CADM1: variants seen among roughly 807,000 people sequenced by gnomAD.
CADM1 encodes cell adhesion molecule 1, also known as TSLC-1.
CADM1 carries 15 observed loss-of-function variants against 53.1 expected under a neutral mutation model. That is an observed-to-expected ratio of 0.28 (90% CI 0.19 to 0.44). The LOEUF (loss-of-function observed/expected upper bound fraction) is 0.44. Ranked by LOEUF, CADM1 falls within the 20% of genes least tolerant of loss-of-function variation. CADM1 has a pLI of 1.00. For missense variants in CADM1, 434 were observed against 611.3 expected, an observed-to-expected ratio of 0.71 and a Z score of 3.06; for synonymous variants, 281 against 243.0, an observed-to-expected ratio of 1.16 and a Z score of -1.45.
At chr11:115,187,088 A>C (rs1024911552) in intron 10 of CADM1, among the ~76,000 whole-genome samples, 8 of 152,238 alleles carry the variant, frequency 5.3e-5, no homozygotes, top group Non-Finnish European at 1.2e-4. Flanking sequence ...ATACAGATAC[A>C]AGCCATATCA....
At chr11:115,399,993 C>T (rs556343982) in intron 1 of CADM1, among the ~76,000 whole-genome samples, 1 of 152,088 alleles carries the variant, frequency 6.6e-6, no homozygotes, top group South Asian at 2.1e-4. Context: ...GTGTGATGTA[C>T]ATACAAAATT....
At chr11:115,477,968 G>C (rs566842690) in intron 1 of CADM1, among the ~76,000 whole-genome samples, 1 of 152,222 alleles carries the variant, frequency 6.6e-6, no homozygotes, top group African/African-American at 2.4e-5. Flanking sequence ...TTTTGGATAA[G>C]AGGTTCAATT....
chr11:115,178,882 G>C (rs1214406945), intron 10 of CADM1, 107 bp from the exon 11 acceptor site: 1 of 1,220,342 alleles, frequency 8.2e-7, no homozygotes, highest in Non-Finnish European at 1.2e-6. Flanking sequence ...TTTTAATGGA[G>C]GAGTCACAGA....
chr11:115,392,757 C>T (rs1946869341), intron 1 of CADM1, among the ~76,000 whole-genome samples: 1 of 151,992 alleles, frequency 6.6e-6, no homozygotes, highest in Non-Finnish European at 1.5e-5. Context: ...TTATCTGACC[C>T]AGGAATTTCA....
At chr11:115,425,977 CCAAA>C (rs1947881112) in intron 1 of CADM1, among the ~76,000 whole-genome samples, 2 of 152,296 alleles carry the variant, frequency 1.3e-5, no homozygotes, top group South Asian at 4.1e-4. Context: ...CATCTGTCAG[CCAAA>C]CAAACCAGCT....
At chr11:115,434,607 G>A (rs972455712) in intron 1 of CADM1, among the ~76,000 whole-genome samples, 1 of 152,152 alleles carries the variant, frequency 6.6e-6, no homozygotes, top group Non-Finnish European at 1.5e-5. Flanking sequence ...TGAGGACTAA[G>A]GGAGATAATC....
At chr11:115,338,833 T>C (rs1163561405) in intron 1 of CADM1, among the ~76,000 whole-genome samples, 2 of 152,090 alleles carry the variant, frequency 1.3e-5, no homozygotes, top group East Asian at 1.9e-4. Context: ...GATCCTGTAC[T>C]TTCTATTTTA....
chr11:115,262,790 G>A (rs1943015456), intron 1 of CADM1, among the ~76,000 whole-genome samples: 1 of 151,838 alleles, frequency 6.6e-6, no homozygotes, highest in Non-Finnish European at 1.5e-5. Flanking sequence ...TGCCCTTGAT[G>A]GGTCTTTTTT....
intron 1 of CADM1, among the ~76,000 whole-genome samples, chr11:115,441,913 T>G (rs1457629600): frequency 6.6e-6 from 1 of 152,090 alleles, no homozygotes; most frequent in Non-Finnish European, 1.5e-5. Context: ...TTTAAGCTGA[T>G]GAGAACAATA....
rs1591569841 is a variant in CADM1 at position 115,169,513 on chromosome 11, A to C, written c.*6961T>G. On this transcript the variant is annotated 3_prime_UTR_variant, in exon 12 of 12. Coordinates refer to ENST00000331581, the MANE Select transcript of CADM1 (RefSeq NM_001301043.2). ...ACCCAAGTAGGACATTTCAGTTGAC[A>C]GTAATGGCATTTTCCCTTCCTTGTC... 1 of 446,388 alleles carries C rather than the reference A, an allele frequency of 2.2e-6. No individual in the cohort carries two copies. Among genetic ancestry groups the C allele is most frequent in the East Asian group, 7.0e-5 (1 of 14,296 alleles). The allele number at this position is 446,388 out of a possible 1,614,324, so 27.7% of individuals were successfully genotyped here.
At chr11:115,406,370 TA>T (rs982379599) in intron 1 of CADM1, among the ~76,000 whole-genome samples, 1 of 151,460 alleles carries the variant, frequency 6.6e-6, no homozygotes, top group African/African-American at 2.4e-5. Context: ...ACAAAACAAT[TA>T]AAAAAAATCC....
intron 3 of CADM1, among the ~76,000 whole-genome samples, chr11:115,236,575 C>T (rs1006458836): frequency 3.3e-5 from 5 of 152,138 alleles, no homozygotes; most frequent in Non-Finnish European, 5.9e-5. Flanking sequence ...TCTCAAAATT[C>T]TAGTGCTGGC....
At chr11:115,185,658 C>T (rs759519020) in intron 10 of CADM1, among the ~76,000 whole-genome samples, 2 of 152,156 alleles carry the variant, frequency 1.3e-5, no homozygotes, top group African/African-American at 2.4e-5. Context: ...GCCAGAGACA[C>T]CAGAAGTCGT....
intron 1 of CADM1, among the ~76,000 whole-genome samples, chr11:115,484,352 G>A (rs1273621206): frequency 6.6e-6 from 1 of 152,146 alleles, no homozygotes; most frequent in Non-Finnish European, 1.5e-5. Context: ...AGTGCTCCCT[G>A]TGCTACACTA....
intron 2 of CADM1, 41 bp downstream of exon 2, chr11:115,240,233 T>C (rs1942177160): frequency 6.9e-6 from 11 of 1,601,976 alleles, no homozygotes; most frequent in Non-Finnish European, 9.4e-6. Context: ...AACATGTAGG[T>C]AAAAAAGTTG....
intron 1 of CADM1, among the ~76,000 whole-genome samples, chr11:115,370,382 C>G (rs1418539394): frequency 6.6e-6 from 1 of 152,094 alleles, no homozygotes; most frequent in Non-Finnish European, 1.5e-5. Context: ...AGTCCTAAGC[C>G]CTGACGAGGG....
intron 1 of CADM1, among the ~76,000 whole-genome samples, chr11:115,290,060 G>C (rs996286773): frequency 1.3e-5 from 2 of 152,184 alleles, no homozygotes; most frequent in African/African-American, 4.8e-5. Context: ...GCGCCACAGC[G>C]TCGTGCTCAG....
At position 115,173,604 on chromosome 11, in the gene CADM1, G is replaced by T; in HGVS notation, c.*2870C>A. On this transcript the variant is annotated 3_prime_UTR_variant, in exon 12 of 12. Transcript: ENST00000331581. ...TCTCACTCGGAGGCGTCCATAAGAA[G>T]TCCATAAAGAGATTAAAGGATCACT... is the stretch of plus-strand genomic sequence containing the variant. 1 of 248,382 alleles carries T rather than the reference G, an allele frequency of 4.0e-6. No individual in the cohort carries two copies. The allele number at this position is 248,382 out of a possible 1,614,324, so 15.4% of individuals were successfully genotyped here. A position where few individuals can be genotyped will look rare whatever the true frequency, so the allele number is the denominator to read the frequency against.
intron 9 of CADM1, among the ~76,000 whole-genome samples, chr11:115,197,968 C>A (rs1330061207): frequency 2.0e-5 from 3 of 152,216 alleles, no homozygotes; most frequent in Non-Finnish European, 4.4e-5. Context: ...TCTACCCTTC[C>A]ATCTCAACTT....
Sources: allele counts gnomAD v4.1 joint callset (sites outside exome capture counted in the v4.1 genomes callset), GRCh38; gene constraint gnomAD v4.1.1; transcripts MANE v1.5; gene names NCBI Gene and HGNC (gene_info 2026-07-23, HGNC 2026-07-21).